The following PTPN5 variants were observed in gnomAD, a reference collection of about 807,000 sequenced individuals.
PTPN5 encodes tyrosine-protein phosphatase non-receptor type 5.
A neutral mutation model predicts 73.9 loss-of-function variants in PTPN5; 29 were observed. The ratio of observed to expected loss-of-function variants is 0.39; its 90% CI spans 0.29 to 0.54. The LOEUF is 0.54. Ranked by LOEUF, PTPN5 falls within the 20% of genes least tolerant of loss-of-function variation. The pLI is 0.65. For synonymous variants in PTPN5, 267 were observed against 304.7 expected (o/e 0.88, Z 1.29); for missense variants, 652 against 751.4 (o/e 0.87, Z 1.55).
chr11:18,730,384 A>T (rs1848822418), intron 12 of PTPN5: 1 of 162,254 alleles, frequency 6.2e-6, no homozygotes, highest in African/African-American at 2.4e-5. Context: ...TAGTCTGTGT[A>T]CAACACACAT....
In PTPN5 at chr11:18,742,523, T is replaced by C; in HGVS notation, c.484-20A>G. ...CCACACCTGGTTGGGGTGTACAGCA[T>C]CACAGATTTCGGACCACGCTGGCTG... On this transcript the variant is annotated intron_variant, in intron 6 of 14. Transcript: ENST00000358540. The surrounding 1 kb of genome is among the most constrained non-coding windows in gnomAD (Gnocchi z 4.1). 1.2e-6 allele frequency: 2 copies of C among 1,610,220 alleles called. No homozygotes were observed. Among genetic ancestry groups the C allele is most frequent in the Non-Finnish European group, 1.7e-6 (2 of 1,179,006 alleles).
rs1017319716 is a variant in PTPN5 at position 18,744,120 on chromosome 11, G to C, written c.177C>G (p.Pro59=). Residue 59 remains proline (P), a synonymous_variant, in exon 4 of 15, where the codon CCC becomes CCG. Coordinates refer to ENST00000358540, the MANE Select transcript of PTPN5 (RefSeq NM_006906.2). ...GATCTGAGGGCGGCGAGGGAGGAGG[G>C]GGTGGCGGCATCTCTCTCTGTGAGT... ...LQDSQREMPP[P]PPPSPPSDPA... 5 of 1,610,696 alleles carry C rather than the reference G, an allele frequency of 3.1e-6. 1 individual carries two copies. The African/African-American group carries it at 5.4e-5, about 17-fold the overall frequency.
In PTPN5 at chr11:18,729,120, G is replaced by T. The variant is rs1384584054; in HGVS notation, c.1605-93C>A. 31 of 1,357,776 alleles carry T rather than the reference G, an allele frequency of 2.3e-5. No homozygotes were observed. Among genetic ancestry groups the T allele is most frequent in the Non-Finnish European group, 9.3e-6 (9 of 969,978 alleles). The allele number at this position is 1,357,776 out of a possible 1,614,324, so 84.1% of individuals were successfully genotyped here. Reference sequence around the variant, plus strand: ...GCCATGGAGTAGCAATCACTTGCCAGGCCTTGCCCCTGTGCGTCTTGGAGA... The same window carrying T: ...GCCATGGAGTAGCAATCACTTGCCATGCCTTGCCCCTGTGCGTCTTGGAGA... On this transcript the variant is annotated intron_variant, in intron 14 of 14. Coordinates refer to ENST00000358540, the MANE Select transcript of PTPN5 (RefSeq NM_006906.2). The surrounding 1 kb of genome is among the most constrained non-coding windows in gnomAD (Gnocchi z 5.2).
intron 3 of PTPN5, among the ~76,000 whole-genome samples, chr11:18,755,269 T>C (rs1180516734): frequency 6.6e-6 from 1 of 152,160 alleles, no homozygotes; most frequent in Admixed American, 6.5e-5. Flanking sequence ...ACAGTCGAGT[T>C]TGGGGATTAT....
At position 18,742,582 on chromosome 11, in the gene PTPN5, C is replaced by T. The variant is rs978046358; in HGVS notation, c.484-79G>A. On this transcript the variant is annotated intron_variant, in intron 6 of 14. Coordinates refer to ENST00000358540, the MANE Select transcript of PTPN5 (RefSeq NM_006906.2). The surrounding 1 kb of genome is among the most constrained non-coding windows in gnomAD (Gnocchi z 4.1). ...GTTCCTGGAGTGCCCATGGGATTGA[C>T]GCCCCCCCACTCCCTCAGTGTGTCT... 42 of 1,557,848 alleles carry T rather than the reference C, an allele frequency of 2.7e-5. No homozygotes were observed. In the Admixed American group the frequency reaches 2.8e-4, roughly 10 times the overall value.
rs202181774 is a variant in PTPN5, at chr11:18,743,323, G to A, written c.398C>T (p.Thr133Met). Residue 133 changes from threonine (T) to methionine (M), a missense_variant and splice_region_variant, in exon 5 of 15, where the codon ACG becomes ATG. Around this residue, in one of 3 missense-constraint regions of PTPN5, gnomAD observed 529 missense variants for 573.9 expected, o/e 0.92. Coordinates refer to ENST00000358540, the MANE Select transcript of PTPN5 (RefSeq NM_006906.2). ...LLTLLKQLEPTAWLDSGTWGV... is the reference protein window; with the variant it reads ...LLTLLKQLEPMAWLDSGTWGV... ...TAGGACTCCCCAAAGCTTACTTACC[G>A]TGGGTTCCAGCTGTTTCAGGAGCGT... is the stretch of plus-strand genomic sequence containing the variant. 3.7e-5 allele frequency: 60 copies of A among 1,613,840 alleles called. No homozygotes were observed. The highest frequency in any genetic ancestry group is 5.0e-5 in the Admixed American group (3 of 59,994).
chr11:18,782,231 CTTTT>C (rs756637739), intron 1 of PTPN5, among the ~76,000 whole-genome samples: 3 of 146,220 alleles, frequency 2.1e-5, no homozygotes, highest in African/African-American at 7.5e-5. Flanking sequence ...AAAACTATGT[CTTTT>C]TTTTTTTTTG....
chr11:18,761,584 A>G (rs544457580), intron 3 of PTPN5, among the ~76,000 whole-genome samples: 1 of 152,264 alleles, frequency 6.6e-6, no homozygotes, highest in South Asian at 2.1e-4. Flanking sequence ...GCACATGTGC[A>G]CAGGGGTGGG....
chr11:18,738,587 AGTCCTGCCTCTGAGTCTGAGCTTGTGAC>A (rs1257603595), intron 8 of PTPN5, among the ~76,000 whole-genome samples: 1 of 152,074 alleles, frequency 6.6e-6, no homozygotes, highest in African/African-American at 2.4e-5. Context: ...TGCTGTTCTC[AGTCCTGCCTCTGAGTCTGAGCTTGTGAC>A]GTTCTGCCTC....
At chr11:18,762,543 A>G (rs987760822) in intron 3 of PTPN5, among the ~76,000 whole-genome samples, 5 of 152,160 alleles carry the variant, frequency 3.3e-5, no homozygotes, top group Non-Finnish European at 7.4e-5. Flanking sequence ...CCTATTCACA[A>G]TGTCAAACCA....
Position 18,728,626 on chromosome 11 carries a change from T to G in PTPN5, c.*308A>C. The G allele has an allele frequency of 3.3e-6, 1 of 306,332 alleles. No homozygotes were observed. Among genetic ancestry groups the G allele is most frequent in the Non-Finnish European group, 6.1e-6 (1 of 165,248 alleles). The allele number at this position is 306,332 out of a possible 1,614,324, so 19.0% of individuals were successfully genotyped here. A position where few individuals can be genotyped will look rare whatever the true frequency, so the allele number is the denominator to read the frequency against. On this transcript the variant is annotated 3_prime_UTR_variant, in exon 15 of 15. Coordinates refer to ENST00000358540, the MANE Select transcript of PTPN5 (RefSeq NM_006906.2). This position sits in a 1 kb window ranked among gnomAD's most constrained non-coding sequence, Gnocchi z 4.1. ...GGACACAAAGTGTAGCACGGAAACA[T>G]TCTGGATCAGGTATTGATGGAACCA...
At chr11:18,767,082 G>A (rs571345176) in intron 2 of PTPN5, among the ~76,000 whole-genome samples, 3 of 152,192 alleles carry the variant, frequency 2.0e-5, no homozygotes, top group Non-Finnish European at 4.4e-5. Flanking sequence ...AGTGGGATGT[G>A]ATTTCTGAAA....
chr11:18,772,549 CCAGA>C (rs757074393), intron 1 of PTPN5, among the ~76,000 whole-genome samples: 6 of 152,230 alleles, frequency 3.9e-5, no homozygotes, highest in South Asian at 2.1e-4. Flanking sequence ...TGGGATGTGC[CCAGA>C]CAAATGACTT....
chr11:18,755,544 G>A (rs1340028563), intron 3 of PTPN5, among the ~76,000 whole-genome samples: 1 of 149,092 alleles, frequency 6.7e-6, no homozygotes, highest in Non-Finnish European at 1.5e-5. Context: ...GATGCGGGTT[G>A]CCCTGCTTCT....
chr11:18,728,550 T>C lies in PTPN5; in HGVS notation c.*384A>G. 1 of 164,664 alleles carries C rather than the reference T, an allele frequency of 6.1e-6. No homozygotes were observed. The highest frequency in any genetic ancestry group is 1.3e-5 in the Non-Finnish European group (1 of 76,354). 10.2% of individuals were successfully genotyped at this position (164,664 alleles called of 1,614,324 possible). On this transcript the variant is annotated 3_prime_UTR_variant, in exon 15 of 15. Transcript: ENST00000358540. The surrounding 1 kb of genome is among the most constrained non-coding windows in gnomAD (Gnocchi z 4.1). ...CCCCTTCCTGGCTGAGGAGACACAGTGTCCGGTACAGAGGGCAGAGATGGA... is the reference window on the plus strand; with the variant it reads ...CCCCTTCCTGGCTGAGGAGACACAGCGTCCGGTACAGAGGGCAGAGATGGA...
intron 3 of PTPN5, among the ~76,000 whole-genome samples, chr11:18,764,569 C>T (rs779537473): frequency 1.3e-5 from 2 of 152,166 alleles, no homozygotes; most frequent in African/African-American, 2.4e-5. Flanking sequence ...TAGACTCATA[C>T]CTGGTTGTTT....
At chr11:18,768,433 A>G (rs987036848) in intron 2 of PTPN5, among the ~76,000 whole-genome samples, 4 of 151,816 alleles carry the variant, frequency 2.6e-5, no homozygotes, top group Non-Finnish European at 4.4e-5. Context: ...TTCTTTCCTT[A>G]CCCTAACGAG....
rs758996171 is a variant in PTPN5 at position 18,771,920 on chromosome 11, G to A, written c.20+19C>T. 13 of 1,597,612 alleles carry A rather than the reference G, an allele frequency of 8.1e-6. No individual in the cohort carries two copies. Among genetic ancestry groups the A allele is most frequent in the African/African-American group, 5.4e-5 (4 of 73,686 alleles). On this transcript the variant is annotated intron_variant, in intron 2 of 14. Transcript: ENST00000358540. ...CTCAGTGGGCGGGTTGCAGGGGGACGGCGTAAACGCTCACTCACCTGGCTC... is the reference window on the plus strand; with the variant it reads ...CTCAGTGGGCGGGTTGCAGGGGGACAGCGTAAACGCTCACTCACCTGGCTC...
chr11:18,772,034 T>C lies in PTPN5; in HGVS notation c.-76A>G, dbSNP rs1430926758. 1.6e-6 allele frequency: 2 copies of C among 1,221,356 alleles called. No individual in the cohort carries two copies. Among genetic ancestry groups the C allele is most frequent in the East Asian group, 5.4e-5 (2 of 37,352 alleles). 75.7% of individuals were successfully genotyped at this position (1,221,356 alleles called of 1,614,324 possible). On this transcript the variant is annotated 5_prime_UTR_variant, in exon 2 of 15. In the 5' UTR this introduces an upstream ATG that the reference lacks. Coordinates refer to ENST00000358540, the MANE Select transcript of PTPN5 (RefSeq NM_006906.2). ...TTCTCAGCAAAAAGCAAGCTGGTGATATAAATGAAGGAGAGAGGGCAGCTT... is the reference window on the plus strand; with the variant it reads ...TTCTCAGCAAAAAGCAAGCTGGTGACATAAATGAAGGAGAGAGGGCAGCTT...
Sources: allele counts gnomAD v4.1 joint callset (sites outside exome capture counted in the v4.1 genomes callset), GRCh38; gene constraint gnomAD v4.1.1; regional missense constraint gnomAD v4.1.1; non-coding constraint Gnocchi (gnomAD v3.1); transcripts MANE v1.5; gene names NCBI Gene and HGNC (gene_info 2026-07-23, HGNC 2026-07-21).